The following CCSER2 variants were observed in gnomAD, a reference collection of about 807,000 sequenced individuals.
CCSER2 encodes serine-rich coiled-coil domain-containing protein 2.
A neutral mutation model predicts 92.3 loss-of-function variants in CCSER2; 46 were observed. That is an observed-to-expected ratio of 0.50 (90% CI 0.39 to 0.64). The LOEUF is 0.64. CCSER2 is among the 30% of genes least tolerant of loss of function. The pLI is 0.00. For missense variants in CCSER2, 1,244 were observed against 1,238.9 expected, an observed-to-expected ratio of 1.00 and a Z score of -0.06; for synonymous variants, 433 against 431.4, an observed-to-expected ratio of 1.00 and a Z score of -0.04.
chr10:84,353,808 A>G (rs1181644439), intron 1 of CCSER2, among the ~76,000 whole-genome samples: 4 of 152,120 alleles, frequency 2.6e-5, no homozygotes, highest in Non-Finnish European at 5.9e-5. Flanking sequence ...CTTGTTCCAA[A>G]TATTGTCCCC....
chr10:84,348,568 A>G (rs1043184852), intron 1 of CCSER2, among the ~76,000 whole-genome samples: 16 of 152,286 alleles, frequency 1.1e-4, no homozygotes, highest in Middle Eastern at 6.8e-3. Flanking sequence ...ATTTATTTAT[A>G]TAGAGTATGT....
intron 6 of CCSER2, among the ~76,000 whole-genome samples, chr10:84,448,629 G>A (rs2133571588): frequency 6.6e-6 from 1 of 152,296 alleles, no homozygotes; most frequent in South Asian, 2.1e-4. Context: ...CCCATTTTAA[G>A]TGTACAGTTT....
chr10:84,335,362 C>G (rs1407791597), intron 1 of CCSER2, among the ~76,000 whole-genome samples: 1 of 149,936 alleles, frequency 6.7e-6, no homozygotes, highest in African/African-American at 2.5e-5. Flanking sequence ...CCAACCTGTA[C>G]TCAACCTGTA....
At chr10:84,359,717 C>T (rs936454467) in intron 1 of CCSER2, among the ~76,000 whole-genome samples, 2 of 151,944 alleles carry the variant, frequency 1.3e-5, no homozygotes, top group Non-Finnish European at 2.9e-5. Flanking sequence ...AAAATGAATG[C>T]TAAGAGAAGG....
At chr10:84,465,926 A>G (rs1322236716) in intron 7 of CCSER2, among the ~76,000 whole-genome samples, 1 of 151,736 alleles carries the variant, frequency 6.6e-6, no homozygotes, top group Non-Finnish European at 1.5e-5. Context: ...AATTTTTTGT[A>G]TTTTTAGTAG....
At chr10:84,481,925 G>GTGAC (rs1167934913) in intron 9 of CCSER2, among the ~76,000 whole-genome samples, 1 of 152,158 alleles carries the variant, frequency 6.6e-6, no homozygotes, top group African/African-American at 2.4e-5. Flanking sequence ...GTAGCTACAT[G>GTGAC]TGACTGTTGA....
rs181447006 is a variant in CCSER2 at position 84,399,265 on chromosome 10, T to G, written c.1615-18506T>G. 1.6e-4 allele frequency among the ~76,000 whole-genome samples: 24 copies of G among 152,316 alleles called. No homozygotes were observed. The East Asian group carries it at 4.4e-3, about 28-fold the overall frequency. On this transcript the variant is annotated intron_variant, in intron 3 of 9. Coordinates refer to ENST00000372088, the MANE Select transcript of CCSER2 (RefSeq NM_001284240.2). ...GCTGTACCCATTGTTTAGCTCCCAC[T>G]TATAAGTGAGAGCATGTGGTATGTG...
intron 1 of CCSER2, among the ~76,000 whole-genome samples, chr10:84,347,442 G>A (rs1338645362): frequency 1.3e-5 from 2 of 150,636 alleles, no homozygotes; most frequent in Non-Finnish European, 3.0e-5. Context: ...GGACGGGTCG[G>A]CTGGCCGGGC....
chr10:84,461,661 GTTT>G (rs796801624), intron 6 of CCSER2, among the ~76,000 whole-genome samples: 1 of 141,760 alleles, frequency 7.1e-6, no homozygotes, highest in Non-Finnish European at 1.5e-5. Context: ...TTTATATTCT[GTTT>G]TTTTTTTTTC....
chr10:84,489,674 G>T (rs1225933340), intron 9 of CCSER2, among the ~76,000 whole-genome samples: 1 of 152,096 alleles, frequency 6.6e-6, no homozygotes, highest in Non-Finnish European at 1.5e-5. Flanking sequence ...GCACACTGAT[G>T]GGTCTTGACT....
intron 1 of CCSER2, among the ~76,000 whole-genome samples, chr10:84,347,877 C>G (rs1389808028): frequency 6.6e-6 from 1 of 151,928 alleles, no homozygotes. Flanking sequence ...AGAGGTGCTC[C>G]CCACATCTCA....
chr10:84,499,301 A>G (rs762522386), intron 9 of CCSER2, among the ~76,000 whole-genome samples: 1 of 152,024 alleles, frequency 6.6e-6, no homozygotes, highest in Non-Finnish European at 1.5e-5. Context: ...ACACCTGGCT[A>G]ATTTTTGTAG....
intron 3 of CCSER2, chr10:84,391,385 C>G (rs17342019): frequency 0.11 from 164,756 of 1,453,714 alleles, 10,597 homozygotes; most frequent in South Asian, 0.2. Flanking sequence ...CATCCTAACA[C>G]TAATGCATCA....
chr10:84,510,552 C>G (rs1849296988), intron 9 of CCSER2, among the ~76,000 whole-genome samples: 1 of 152,160 alleles, frequency 6.6e-6, no homozygotes, highest in African/African-American at 2.4e-5. Flanking sequence ...TCCTATTTGT[C>G]TTAGCCATGA....
At chr10:84,389,278 C>T (rs189287023) in intron 3 of CCSER2, 78 of 511,426 alleles carry the variant, frequency 1.5e-4, no homozygotes, top group African/African-American at 1.3e-3. Context: ...TCTCTTTAAT[C>T]GTTCCAGAGA....
At chr10:84,375,122 C>T (rs1415389335) in intron 3 of CCSER2, among the ~76,000 whole-genome samples, 1 of 152,126 alleles carries the variant, frequency 6.6e-6, no homozygotes, top group African/African-American at 2.4e-5. Flanking sequence ...CAGCAATAAA[C>T]CACTTAGTAC....
At chr10:84,330,566 G>T (rs1194741654) in intron 1 of CCSER2, among the ~76,000 whole-genome samples, 1 of 152,184 alleles carries the variant, frequency 6.6e-6, no homozygotes, top group Non-Finnish European at 1.5e-5. Flanking sequence ...GGGCTGGAGT[G>T]CAATGGCCTC....
At chr10:84,431,632 C>T (rs1179487638) in intron 5 of CCSER2, among the ~76,000 whole-genome samples, 1 of 152,034 alleles carries the variant, frequency 6.6e-6, no homozygotes, top group African/African-American at 2.4e-5. Flanking sequence ...GTCCCATCTA[C>T]TTGGGAGGCT....
intron 6 of CCSER2, among the ~76,000 whole-genome samples, chr10:84,457,251 T>TAA (rs1218677091): frequency 2.9e-5 from 2 of 68,644 alleles, no homozygotes; most frequent in Non-Finnish European, 5.1e-5. Flanking sequence ...ATATTATATA[T>TAA]TATATAAAAT....
Sources: allele counts gnomAD v4.1 joint callset (sites outside exome capture counted in the v4.1 genomes callset), GRCh38; gene constraint gnomAD v4.1.1; transcripts MANE v1.5; gene names NCBI Gene and HGNC (gene_info 2026-07-23, HGNC 2026-07-21).